Variants in DISP1 observed in about 807,000 individuals in gnomAD.
The protein encoded by DISP1 is protein dispatched homolog 1.
DISP1 carries 30 observed loss-of-function variants against 37.3 expected under a neutral mutation model. The ratio of observed to expected loss-of-function variants is 0.80; its 90% CI spans 0.60 to 1.09. The LOEUF (loss-of-function observed/expected upper bound fraction) is 1.09. Among genes scored for constraint, DISP1 ranks in the 50% least tolerant of loss-of-function variants. The pLI, the probability that DISP1 is intolerant of heterozygous loss-of-function variation, is 0.00. For missense variants in DISP1, 1,598 were observed against 1,879.5 expected (o/e 0.85, Z 2.77); for synonymous variants, 634 against 690.2 (o/e 0.92, Z 1.28).
intron 1 of DISP1, among the ~76,000 whole-genome samples, chr1:222,900,564 T>A (rs894717844): frequency 6.6e-6 from 1 of 152,178 alleles, no homozygotes; most frequent in Admixed American, 6.5e-5. Flanking sequence ...AAAGTAATGA[T>A]CCTCAACAAA....
intron 1 of DISP1, among the ~76,000 whole-genome samples, chr1:222,850,130 T>TA (rs1668139657): frequency 6.6e-6 from 1 of 151,976 alleles, no homozygotes; most frequent in South Asian, 2.1e-4. Flanking sequence ...GTGAGTGACA[T>TA]AAAAAAAATG....
chr1:222,968,736 C>T (rs896881416), intron 3 of DISP1, among the ~76,000 whole-genome samples: 1 of 151,784 alleles, frequency 6.6e-6, no homozygotes, highest in African/African-American at 2.4e-5. Context: ...GAGTTCGAGA[C>T]CAGCCTGGCC....
chr1:222,823,083 A>G (rs1375046874), intron 1 of DISP1, among the ~76,000 whole-genome samples: 1 of 152,216 alleles, frequency 6.6e-6, no homozygotes, highest in Non-Finnish European at 1.5e-5. Context: ...GTTGGTGGGA[A>G]TATAAATTAG....
At chr1:222,980,715 T>C (rs1677770316) in intron 3 of DISP1, among the ~76,000 whole-genome samples, 1 of 152,216 alleles carries the variant, frequency 6.6e-6, no homozygotes, top group Admixed American at 6.5e-5. Flanking sequence ...ATCTTTACTG[T>C]ACATATATAA....
intron 2 of DISP1, among the ~76,000 whole-genome samples, chr1:222,938,641 G>A (rs964778773): frequency 6.6e-6 from 1 of 150,822 alleles, no homozygotes; most frequent in African/African-American, 2.4e-5. Context: ...GCTGAGGCAG[G>A]AGGATTGCTT....
In DISP1 at chr1:223,004,386, A is replaced by G. The variant is rs1315511349; in HGVS notation, c.2989A>G (p.Ser997Gly). ...AMGLSVAVAF[S>G]VMLLTTWNII... is the part of the protein sequence containing the mutation. Reference sequence around the variant, plus strand: ...GGGGCTGTCAGTTGCTGTTGCATTTAGCGTGATGCTGCTGACAACTTGGAA... The same window carrying G: ...GGGGCTGTCAGTTGCTGTTGCATTTGGCGTGATGCTGCTGACAACTTGGAA... The change falls in exon 9 of 9, where the codon AGC (serine) becomes GGC (glycine). Residue 997 changes from serine to glycine, a missense_variant. By Grantham distance (56) the Ser-to-Gly change is moderately conservative. Coordinates refer to ENST00000675850, the MANE Select transcript of DISP1 (RefSeq NM_001377229.1). The surrounding 1 kb of genome is among the most constrained non-coding windows in gnomAD (Gnocchi z 4.9). 6.2e-7 allele frequency: 1 copy of G among 1,614,106 alleles called. No homozygotes were observed. Among genetic ancestry groups the G allele is most frequent in the African/African-American group, 1.3e-5 (1 of 74,940 alleles).
At chr1:222,841,913 A>G (rs1476167237) in intron 1 of DISP1, among the ~76,000 whole-genome samples, 1 of 152,140 alleles carries the variant, frequency 6.6e-6, no homozygotes, top group Admixed American at 6.6e-5. Flanking sequence ...ATATCAGAGG[A>G]AAAATGGGAG....
intron 3 of DISP1, among the ~76,000 whole-genome samples, chr1:222,951,536 A>C (rs907847347): frequency 1.4e-5 from 1 of 72,588 alleles, no homozygotes; most frequent in Non-Finnish European, 2.7e-5. Flanking sequence ...GCCAGAAATC[A>C]CTTTGAACAC....
intron 1 of DISP1, among the ~76,000 whole-genome samples, chr1:222,881,669 A>G (rs1377557144): frequency 2.0e-5 from 3 of 152,240 alleles, no homozygotes. Flanking sequence ...GCAAGGGCCT[A>G]CTGGCATCAG....
chr1:222,947,152 C>G (rs1374679925), intron 3 of DISP1, among the ~76,000 whole-genome samples: 1 of 152,170 alleles, frequency 6.6e-6, no homozygotes, highest in Non-Finnish European at 1.5e-5. Context: ...CAAACTGAAA[C>G]TCCATACTCA....
intron 8 of DISP1, among the ~76,000 whole-genome samples, chr1:223,002,109 A>C (rs1331618752): frequency 6.6e-6 from 1 of 152,168 alleles, no homozygotes; most frequent in Non-Finnish European, 1.5e-5. Flanking sequence ...TGTAAACAAA[A>C]CTAGCATTGG....
chr1:223,004,264 G>A lies in DISP1; in HGVS notation c.2867G>A (p.Ser956Asn), dbSNP rs757488321. 4.3e-6 allele frequency: 7 copies of A among 1,614,022 alleles called. No individual in the cohort carries two copies. Among genetic ancestry groups the A allele is most frequent in the African/African-American group, 4.0e-5 (3 of 74,922 alleles). The change falls in exon 9 of 9, where the codon AGT (serine) becomes AAT (asparagine). Residue 956 changes from serine (S) to asparagine (N), a missense_variant. Physicochemically the swap from Ser to Asn is conservative, Grantham distance 46 (BLOSUM62 1). Coordinates refer to ENST00000675850, the MANE Select transcript of DISP1 (RefSeq NM_001377229.1). The surrounding 1 kb of genome is among the most constrained non-coding windows in gnomAD (Gnocchi z 4.9). ...EVDSWISSEL[S>N]SAPEGLSNGW... Reference sequence around the variant, plus strand: ...GACTCGTGGATATCCAGTGAGCTGAGTTCGGCCCCTGAAGGCCTCAGCAAT... The same window carrying A: ...GACTCGTGGATATCCAGTGAGCTGAATTCGGCCCCTGAAGGCCTCAGCAAT...
intron 3 of DISP1, among the ~76,000 whole-genome samples, chr1:222,950,594 C>T (rs113984935): frequency 0.018 from 2,710 of 149,520 alleles, 92 homozygotes; most frequent in African/African-American, 0.061. Flanking sequence ...AGCGAGACTC[C>T]GTCTCAAAAA....
chr1:222,901,187 A>G (rs1258745806), intron 1 of DISP1, among the ~76,000 whole-genome samples: 2 of 152,188 alleles, frequency 1.3e-5, no homozygotes, highest in African/African-American at 2.4e-5. Flanking sequence ...GATTGCTTGT[A>G]TATTCTTACT....
chr1:222,986,128 C>A (rs1678257948), intron 4 of DISP1, among the ~76,000 whole-genome samples: 2 of 151,934 alleles, frequency 1.3e-5, no homozygotes, highest in South Asian at 4.2e-4. Context: ...TTGACTTGGG[C>A]AGTTCAGAAA....
intron 1 of DISP1, among the ~76,000 whole-genome samples, chr1:222,911,637 AG>A (rs1317628680): frequency 2.0e-5 from 3 of 152,112 alleles, no homozygotes; most frequent in Admixed American, 6.5e-5. Context: ...CTTCTGCCTC[AG>A]CCTCCCAAAT....
chr1:222,892,042 A>G (rs908868583), intron 1 of DISP1, among the ~76,000 whole-genome samples: 4 of 152,096 alleles, frequency 2.6e-5, no homozygotes, highest in African/African-American at 9.7e-5. Flanking sequence ...ACATAAAGAT[A>G]CGTAAGAGAA....
At chr1:223,001,041 A>G (rs1280250196) in intron 8 of DISP1, among the ~76,000 whole-genome samples, 2 of 152,180 alleles carry the variant, frequency 1.3e-5, no homozygotes, top group Non-Finnish European at 2.9e-5. Flanking sequence ...GAGAAGAGGA[A>G]TATTTCTTAT....
At chr1:222,987,205 C>T (rs1414675267) in intron 4 of DISP1, among the ~76,000 whole-genome samples, 3 of 152,178 alleles carry the variant, frequency 2.0e-5, no homozygotes, top group Non-Finnish European at 4.4e-5. Context: ...GCAGGCAACT[C>T]TGTTTCCCAT....
Sources: allele counts gnomAD v4.1 joint callset (sites outside exome capture counted in the v4.1 genomes callset), GRCh38; gene constraint gnomAD v4.1.1; non-coding constraint Gnocchi (gnomAD v3.1); transcripts MANE v1.5; gene names NCBI Gene and HGNC (gene_info 2026-07-23, HGNC 2026-07-21).